Variants in UGT1A8 observed in about 807,000 individuals in gnomAD.
UGT1A8 encodes UDP-glucuronosyltransferase 1A8.
A neutral mutation model predicts 45.3 loss-of-function variants in UGT1A8; 39 were observed. That is an observed-to-expected ratio of 0.86 (90% confidence interval 0.67 to 1.12). The LOEUF (loss-of-function observed/expected upper bound fraction) is 1.12, where lower values mean the gene tolerates loss of function less well. Ranked by LOEUF, UGT1A8 falls within the 50% of genes most tolerant of loss-of-function variation. The pLI, the probability that UGT1A8 is intolerant of heterozygous loss-of-function variation, is 0.00. For missense variants in UGT1A8, 719 were observed against 664.9 expected (o/e 1.08, Z -0.90); for synonymous variants, 275 against 249.2 (o/e 1.10, Z -0.97).
In UGT1A8 at chr2:233,618,293, G is replaced by A. The variant is rs2072940668; in HGVS notation, c.586G>A (p.Gly196Arg). 2 of 1,613,878 alleles carry A rather than the reference G, an allele frequency of 1.2e-6. No homozygotes were observed. The highest frequency in any genetic ancestry group is 1.7e-6 in the Non-Finnish European group (2 of 1,179,846). Reference sequence around the variant, plus strand: ...TTCCTATGTCCCCAGAATTCTCTTAGGGTTCTCAGATGCCATGACTTTCAA... The same window carrying A: ...TTCCTATGTCCCCAGAATTCTCTTAAGGTTCTCAGATGCCATGACTTTCAA... Reference protein sequence around the residue: ...PLSYVPRILLGFSDAMTFKER... With the variant: ...PLSYVPRILLRFSDAMTFKER... The change falls in exon 1 of 5, where the codon GGG becomes AGG. Residue 196 changes from glycine (G) to arginine (R), a missense_variant. Coordinates refer to ENST00000373450, the MANE Select transcript of UGT1A8 (RefSeq NM_019076.5).
chr2:233,648,189 T>C (rs1346190699), intron 1 of UGT1A8: 2 of 892,996 alleles, frequency 2.2e-6, no homozygotes, highest in Non-Finnish European at 3.4e-6. Flanking sequence ...GTTTAGAATT[T>C]AATTTTTCAC....
At chr2:233,724,619 C>A (rs2077290333) in intron 1 of UGT1A8, among the ~76,000 whole-genome samples, 1 of 138,420 alleles carries the variant, frequency 7.2e-6, no homozygotes, top group East Asian at 2.3e-4. Flanking sequence ...GGCAGAGACG[C>A]TCCTCACTTC....
intron 1 of UGT1A8, among the ~76,000 whole-genome samples, chr2:233,701,178 A>G (rs961911263): frequency 7.9e-5 from 12 of 152,194 alleles, no homozygotes; most frequent in African/African-American, 2.7e-4. Flanking sequence ...CGTTATAAAC[A>G]TACATGTGCA....
At chr2:233,655,618 A>G (rs1226722101) in intron 1 of UGT1A8, among the ~76,000 whole-genome samples, 4 of 152,170 alleles carry the variant, frequency 2.6e-5, no homozygotes, top group African/African-American at 9.7e-5. Flanking sequence ...TGTTTCGCCA[A>G]AAGAGTTTCA....
At chr2:233,729,089 G>A (rs373016756) in intron 1 of UGT1A8, 93 of 1,612,442 alleles carry the variant, frequency 5.8e-5, no homozygotes, top group Middle Eastern at 2.1e-4. Flanking sequence ...CAGGCACAGC[G>A]TGGGGTGGAC....
At chr2:233,768,584 T>C (rs1699663282) in intron 4 of UGT1A8, 145 bp downstream of exon 4, 3 of 86,896 alleles carry the variant, frequency 3.5e-5, no homozygotes, top group Non-Finnish European at 4.3e-5. Flanking sequence ...TATTTCTTCT[T>C]TTTTTTTTTT....
intron 1 of UGT1A8, among the ~76,000 whole-genome samples, chr2:233,727,743 C>T (rs576433426): frequency 2.0e-5 from 3 of 152,300 alleles, no homozygotes; most frequent in Non-Finnish European, 2.9e-5. Flanking sequence ...TGCCATCCTG[C>T]GTGTGCTGCC....
chr2:233,711,904 C>T (rs2076203848), intron 1 of UGT1A8, among the ~76,000 whole-genome samples: 1 of 152,172 alleles, frequency 6.6e-6, no homozygotes, highest in African/African-American at 2.4e-5. Context: ...GGCGTGAGAC[C>T]ATTGTGAGTG....
chr2:233,678,528 C>T (rs1304036415), intron 1 of UGT1A8, among the ~76,000 whole-genome samples: 2 of 152,066 alleles, frequency 1.3e-5, no homozygotes, highest in African/African-American at 4.8e-5. Flanking sequence ...CTGTTTTTTT[C>T]TCTTTGATGT....
At chr2:233,706,574 G>A (rs1295040383) in intron 1 of UGT1A8, among the ~76,000 whole-genome samples, 5 of 152,174 alleles carry the variant, frequency 3.3e-5, no homozygotes, top group African/African-American at 1.2e-4. Flanking sequence ...TAGGGTAAGA[G>A]TGGAGATGGG....
chr2:233,666,131 A>G (rs2074071419), intron 1 of UGT1A8, among the ~76,000 whole-genome samples: 1 of 152,244 alleles, frequency 6.6e-6, no homozygotes. Flanking sequence ...GGTGCTGATC[A>G]CATGGCTAGA....
intron 1 of UGT1A8, among the ~76,000 whole-genome samples, chr2:233,749,727 C>A (rs1694261714): frequency 6.6e-6 from 1 of 151,854 alleles, no homozygotes; most frequent in Admixed American, 6.5e-5. Context: ...CAGTTTCGCA[C>A]CTGCTGGTCT....
At chr2:233,663,265 T>G (rs1251601323) in intron 1 of UGT1A8, among the ~76,000 whole-genome samples, 1 of 152,182 alleles carries the variant, frequency 6.6e-6, no homozygotes, top group Admixed American at 6.5e-5. Flanking sequence ...GAACTAGCCG[T>G]GTGGTAGACC....
chr2:233,621,348 T>C (rs979147932), intron 1 of UGT1A8, among the ~76,000 whole-genome samples: 2 of 152,190 alleles, frequency 1.3e-5, no homozygotes, highest in Non-Finnish European at 2.9e-5. Flanking sequence ...TCCAACAGAA[T>C]TGATGACTGG....
intron 1 of UGT1A8, among the ~76,000 whole-genome samples, chr2:233,749,386 AT>A (rs1439732191): frequency 2.6e-5 from 4 of 151,906 alleles, no homozygotes; most frequent in Non-Finnish European, 5.9e-5. Flanking sequence ...CAGTTTTTCA[AT>A]GTGAACATAT....
chr2:233,743,217 C>A, intron 1 of UGT1A8: 2 of 409,784 alleles, frequency 4.9e-6, no homozygotes, highest in Non-Finnish European at 9.6e-6. Context: ...AGTAACTGCT[C>A]TTTGCTATTT....
intron 1 of UGT1A8, among the ~76,000 whole-genome samples, chr2:233,662,415 G>A (rs1338282285): frequency 6.6e-6 from 1 of 152,000 alleles, no homozygotes; most frequent in Non-Finnish European, 1.5e-5. Flanking sequence ...GCCCATAAAT[G>A]GACCAACACC....
At chr2:233,691,650 A>T (rs1174278220) in intron 1 of UGT1A8, 8 of 984,910 alleles carry the variant, frequency 8.1e-6, no homozygotes, top group Non-Finnish European at 2.4e-6. Flanking sequence ...GGCCAGTGTG[A>T]CCCTCCCTTT....
At chr2:233,662,183 C>T (rs12479240) in intron 1 of UGT1A8, among the ~76,000 whole-genome samples, 22,533 of 152,042 alleles carry the variant, frequency 0.15, 1,747 homozygotes, top group Non-Finnish European at 0.18. Flanking sequence ...TGTTTGTGTG[C>T]ATAAGTTTTG....
Sources: gnomAD v4.1 joint callset for allele counts (sites outside exome capture counted in the v4.1 genomes callset) on GRCh38, gnomAD v4.1.1 for gene constraint, MANE v1.5 for transcripts, NCBI Gene and HGNC (gene_info 2026-07-23, HGNC 2026-07-21) for gene names.